Variants in DOCK8 observed in about 807,000 individuals in gnomAD.
DOCK8 encodes the protein dedicator of cytokinesis 8.
A neutral mutation model predicts 245.6 loss-of-function variants in DOCK8; 141 were observed. That is an observed-to-expected ratio of 0.57 (90% CI 0.50 to 0.66). The LOEUF (loss-of-function observed/expected upper bound fraction) is 0.66. DOCK8 is among the 30% of genes least tolerant of loss of function. The pLI is 0.00. For missense variants in DOCK8, 2,965 were observed against 2,603.4 expected (o/e 1.14, Z -3.02); for synonymous variants, 1,168 against 970.2 (o/e 1.20, Z -3.79).
intron 2 of DOCK8, among the ~76,000 whole-genome samples, chr9:285,452 A>T (rs1414999166): frequency 6.6e-6 from 1 of 152,100 alleles, no homozygotes; most frequent in African/African-American, 2.4e-5. Context: ...GATAGAGAAA[A>T]ACAGTAACTT....
chr9:377,339 A>G (rs1325279959), intron 20 of DOCK8, 128 bp downstream of exon 20: 19 of 879,190 alleles, frequency 2.2e-5, no homozygotes, highest in Non-Finnish European at 3.0e-5. Flanking sequence ...TGTGTGCTCA[A>G]GGGAGGCCAA....
chr9:460,775 C>T (rs766509195), intron 46 of DOCK8, among the ~76,000 whole-genome samples: 2 of 152,232 alleles, frequency 1.3e-5, no homozygotes, highest in Non-Finnish European at 2.9e-5. Flanking sequence ...TTCCTTGCCA[C>T]ATGCTATCCT....
chr9:297,469 A>G (rs1054268875), intron 4 of DOCK8, among the ~76,000 whole-genome samples: 1 of 152,190 alleles, frequency 6.6e-6, no homozygotes. Context: ...CTGGGAAGCA[A>G]TAGGTCGAGT....
chr9:266,897 T>C (rs1305512089), intron 1 of DOCK8, among the ~76,000 whole-genome samples: 1 of 152,084 alleles, frequency 6.6e-6, no homozygotes, highest in Admixed American at 6.5e-5. Context: ...AAACTTATCT[T>C]GGACATGTCA....
At chr9:429,152 A>G (rs897422889) in intron 35 of DOCK8, among the ~76,000 whole-genome samples, 2 of 152,144 alleles carry the variant, frequency 1.3e-5, no homozygotes, top group Admixed American at 6.5e-5. Flanking sequence ...TTATTAGTAG[A>G]GACAGGGTTT....
chr9:330,431 GA>G (rs751614425), intron 9 of DOCK8, among the ~76,000 whole-genome samples: 12 of 152,146 alleles, frequency 7.9e-5, no homozygotes, highest in Non-Finnish European at 1.5e-4. Flanking sequence ...CCATCTTAAA[GA>G]GTTTACAATC....
rs2131642836 is a variant in DOCK8, at chr9:421,192, A to G, written c.4153+114A>G. 5 of 1,426,562 alleles carry G rather than the reference A, an allele frequency of 3.5e-6. No individual in the cohort carries two copies. The East Asian group carries it at 6.9e-5, about 20-fold the overall frequency. The allele number at this position is 1,426,562 out of a possible 1,614,324, so 88.4% of individuals were successfully genotyped here. A position where few individuals can be genotyped will look rare whatever the true frequency, so the allele number is the denominator to read the frequency against. Reference sequence around the variant, plus strand: ...ATTACTTTCTTGAGATATTTACGGTAGTGTCAGAGACAGCGGATTCTGGGA... The same window carrying G: ...ATTACTTTCTTGAGATATTTACGGTGGTGTCAGAGACAGCGGATTCTGGGA... On this transcript the variant is annotated intron_variant, in intron 32 of 47. Coordinates refer to ENST00000432829, the MANE Select transcript of DOCK8 (RefSeq NM_203447.4).
At chr9:211,575 G>C (rs1291947566), upstream of DOCK8, among the ~76,000 whole-genome samples, 1 of 152,136 alleles carries the variant, frequency 6.6e-6, no homozygotes, top group African/African-American at 2.4e-5. Flanking sequence ...CGGAATGAAA[G>C]CCACTGTGAG....
intron 1 of DOCK8, among the ~76,000 whole-genome samples, chr9:254,954 G>A (rs1038262302): frequency 6.6e-6 from 1 of 152,166 alleles, no homozygotes; most frequent in African/African-American, 2.4e-5. Flanking sequence ...TGGTTGATCA[G>A]TTCTTTAGCA....
intron 2 of DOCK8, among the ~76,000 whole-genome samples, chr9:273,417 T>C (rs184942503): frequency 1.3e-5 from 2 of 152,364 alleles, no homozygotes; most frequent in Non-Finnish European, 2.9e-5. Context: ...TTTGTGCTAA[T>C]ATATATTTAA....
chr9:214,696 C>T, upstream of DOCK8: 1 of 1,567,286 alleles, frequency 6.4e-7, no homozygotes, highest in Non-Finnish European at 8.6e-7. Context: ...GCGCCGTCTG[C>T]CCCAGTATCG....
chr9:305,313 C>G (rs749938347), intron 5 of DOCK8, among the ~76,000 whole-genome samples: 20 of 151,130 alleles, frequency 1.3e-4, no homozygotes, highest in African/African-American at 4.9e-5. Flanking sequence ...GACAGAGTCT[C>G]GCTCTGTCGC....
intron 7 of DOCK8, 80 bp from the exon 8 acceptor site, chr9:325,590 GT>G: frequency 8.6e-7 from 1 of 1,167,568 alleles, no homozygotes. Context: ...TTTTTAACCA[GT>G]TTATCTATCT....
intron 34 of DOCK8, 98 bp from the exon 35 acceptor site, chr9:428,264 G>T: frequency 6.3e-7 from 1 of 1,591,886 alleles, no homozygotes; most frequent in Non-Finnish European, 8.6e-7. Flanking sequence ...ACTCACCACT[G>T]GACATGGAAC....
intron 2 of DOCK8, among the ~76,000 whole-genome samples, chr9:273,895 G>A (rs1373340229): frequency 6.6e-6 from 1 of 151,962 alleles, no homozygotes; most frequent in Non-Finnish European, 1.5e-5. Context: ...GAGTAGAGAC[G>A]GGGTTTCTCC....
intron 5 of DOCK8, among the ~76,000 whole-genome samples, chr9:310,718 C>T (rs1307662291): frequency 6.6e-6 from 1 of 152,150 alleles, no homozygotes; most frequent in Non-Finnish European, 1.5e-5. Flanking sequence ...ACCTCGGCCT[C>T]CCAAAGTGCT....
At chr9:345,334 C>T (rs149367459) in intron 14 of DOCK8, among the ~76,000 whole-genome samples, 1 of 152,284 alleles carries the variant, frequency 6.6e-6, no homozygotes, top group African/African-American at 2.4e-5. Context: ...AGTTGATCTG[C>T]CTGGAGCTTG....
chr9:414,875 G>T lies in DOCK8; in HGVS notation c.3624G>T (p.Lys1208Asn), dbSNP rs1410766141. The T allele has an allele frequency of 1.2e-6, 2 of 1,614,086 alleles. No homozygotes were observed. Among genetic ancestry groups the T allele is most frequent in the Non-Finnish European group, 1.7e-6 (2 of 1,180,040 alleles). ...LDPRCVKPEV[K>N]VKIAALYLPL... ...CACGCTGTGTCAAACCAGAGGTGAA[G>T]GTCAAAATCGCCGCCCTTTACCTAC... is the stretch of plus-strand genomic sequence containing the variant. The change falls in exon 29 of 48, where the codon AAG becomes AAT. Residue 1208 changes from lysine to asparagine, a missense_variant. Physicochemically the swap from Lys to Asn is moderately conservative, Grantham distance 94 (BLOSUM62 0). Coordinates refer to ENST00000432829, the MANE Select transcript of DOCK8 (RefSeq NM_203447.4).
chr9:224,627 T>C (rs1161927986), intron 1 of DOCK8, among the ~76,000 whole-genome samples: 1 of 152,182 alleles, frequency 6.6e-6, no homozygotes, highest in Admixed American at 6.5e-5. Flanking sequence ...AAACCTTCTT[T>C]GGCAGACCTT....
Sources: allele counts gnomAD v4.1 joint callset (sites outside exome capture counted in the v4.1 genomes callset), GRCh38; gene constraint gnomAD v4.1.1; transcripts MANE v1.5; gene names NCBI Gene and HGNC (gene_info 2026-07-23, HGNC 2026-07-21).